Variants in TANC2 observed in about 807,000 individuals in gnomAD.
The protein encoded by TANC2 is protein TANC2.
Under a neutral mutation model 210.5 loss-of-function variants are expected in TANC2, and 26 were observed. The observed-to-expected ratio is 0.12, with a 90% CI of 0.09 to 0.17. TANC2 has a LOEUF of 0.17. Ranked by LOEUF, TANC2 falls within the 10% of genes least tolerant of loss-of-function variation. The pLI, the probability that TANC2 is intolerant of heterozygous loss-of-function variation, is 1.00. For synonymous variants in TANC2, 931 were observed against 967.1 expected (o/e 0.96, Z 0.69); for missense variants, 2,129 against 2,608.9 (o/e 0.82, Z 4.01).
At chr17:62,986,672 G>T (rs2032582254) in intron 1 of TANC2, among the ~76,000 whole-genome samples, 1 of 152,072 alleles carries the variant, frequency 6.6e-6, no homozygotes. Flanking sequence ...AGGGATGTCT[G>T]CTAGGGGTGG....
At chr17:63,053,801 A>G (rs1420921254) in intron 2 of TANC2, among the ~76,000 whole-genome samples, 1 of 152,174 alleles carries the variant, frequency 6.6e-6, no homozygotes, top group African/African-American at 2.4e-5. Flanking sequence ...TTTAGGCCCA[A>G]CATATTAGAA....
chr17:63,076,143 C>T (rs540294635), intron 3 of TANC2, among the ~76,000 whole-genome samples: 7 of 152,268 alleles, frequency 4.6e-5, no homozygotes, highest in African/African-American at 1.7e-4. Context: ...CATTGGGTTT[C>T]TGGAACTTCC....
intron 9 of TANC2, among the ~76,000 whole-genome samples, chr17:63,300,635 C>G (rs1443644649): frequency 1.3e-5 from 2 of 152,146 alleles, no homozygotes; most frequent in African/African-American, 4.8e-5. Context: ...ATTTTGTATC[C>G]TGAGACTTTG....
intron 4 of TANC2, among the ~76,000 whole-genome samples, chr17:63,137,240 T>A (rs2039121842): frequency 6.6e-6 from 1 of 152,178 alleles, no homozygotes; most frequent in South Asian, 2.1e-4. Flanking sequence ...AGCTTAAAAG[T>A]AAGTTCAGAA....
intron 4 of TANC2, among the ~76,000 whole-genome samples, chr17:63,136,373 A>G (rs1225734557): frequency 1.3e-5 from 2 of 152,210 alleles, no homozygotes; most frequent in Non-Finnish European, 2.9e-5. Context: ...TAGAAGGAAC[A>G]TACTTATTCT....
chr17:63,231,545 T>C (rs1337341586), intron 7 of TANC2, among the ~76,000 whole-genome samples: 2 of 152,234 alleles, frequency 1.3e-5, no homozygotes, highest in Non-Finnish European at 2.9e-5. Context: ...TATGAACTTC[T>C]GGATTGGAAA....
chr17:63,070,225 G>GA (rs532334722), intron 2 of TANC2, among the ~76,000 whole-genome samples: 2 of 152,068 alleles, frequency 1.3e-5, no homozygotes, highest in African/African-American at 4.8e-5. Flanking sequence ...AACTTAAGGG[G>GA]AAAAAAAATC....
rs953010700 is a variant in TANC2, at chr17:62,966,256, G to A, written c.-517G>A. On this transcript the variant is annotated 5_prime_UTR_variant, in exon 1 of 28. Transcript: ENST00000689528. This position sits in a 1 kb window ranked among gnomAD's most constrained non-coding sequence, Gnocchi z 5.1. Reference sequence around the variant, plus strand: ...CGGCGGCGGCGCTAGCGAGCGGCCGGCGGGGCGCGGGTTGCTGGGCGCGCT... The same window carrying A: ...CGGCGGCGGCGCTAGCGAGCGGCCGACGGGGCGCGGGTTGCTGGGCGCGCT... 6.2e-5 allele frequency among the ~76,000 whole-genome samples: 9 copies of A among 146,158 alleles called. No individual in the cohort carries two copies. Among genetic ancestry groups the A allele is most frequent in the Non-Finnish European group, 1.1e-4 (7 of 65,772 alleles).
At chr17:63,373,198 C>T (rs543719911) in intron 14 of TANC2, among the ~76,000 whole-genome samples, 1 of 152,130 alleles carries the variant, frequency 6.6e-6, no homozygotes, top group African/African-American at 2.4e-5. Flanking sequence ...GCCTTGGCCT[C>T]ATCATCTTTA....
intron 12 of TANC2, among the ~76,000 whole-genome samples, chr17:63,348,713 G>A (rs1372916466): frequency 6.6e-6 from 1 of 152,010 alleles, no homozygotes; most frequent in Non-Finnish European, 1.5e-5. Context: ...GCAATCCTTT[G>A]TTAGTCCCCA....
intron 6 of TANC2, among the ~76,000 whole-genome samples, chr17:63,196,358 G>C (rs948294024): frequency 1.3e-5 from 2 of 152,156 alleles, no homozygotes; most frequent in African/African-American, 4.8e-5. Context: ...TGATATTCAT[G>C]TCAAGTTAAA....
At chr17:63,384,239 A>G (rs1036101061) in intron 15 of TANC2, among the ~76,000 whole-genome samples, 10 of 151,830 alleles carry the variant, frequency 6.6e-5, no homozygotes, top group Admixed American at 2.6e-4. Context: ...CTGGCTAATT[A>G]TTTTTATTTT....
chr17:63,405,786 T>C (rs867274096), intron 20 of TANC2, among the ~76,000 whole-genome samples: 1 of 152,208 alleles, frequency 6.6e-6, no homozygotes, highest in African/African-American at 2.4e-5. Flanking sequence ...GTCACTTGAT[T>C]ATGTTCAGTT....
In TANC2 at chr17:63,407,930, C is replaced by T. The variant is rs1381817035; in HGVS notation, c.3589+1653C>T. The stretch of plus-strand genomic sequence containing the variant: ...TGTCTAGTAAAATGTAAGGGGACTA[C>T]GGAAAATAAAATTGGAAAGGTATGT... On this transcript the variant is annotated intron_variant, in intron 21 of 27. Coordinates refer to ENST00000689528, the Ensembl canonical transcript of TANC2. Among the ~76,000 whole-genome samples, 6 of 151,788 alleles carry T rather than the reference C, an allele frequency of 4.0e-5. No individual in the cohort carries two copies. In the South Asian group the frequency reaches 6.3e-4, roughly 16 times the overall value.
intron 14 of TANC2, among the ~76,000 whole-genome samples, chr17:63,369,762 C>A (rs545516574): frequency 2.4e-4 from 36 of 151,750 alleles, no homozygotes; most frequent in Non-Finnish European, 4.3e-4. Context: ...CCCACCATGC[C>A]GGGCTAATTT....
intron 14 of TANC2, among the ~76,000 whole-genome samples, chr17:63,360,147 T>A (rs964985084): frequency 6.6e-6 from 1 of 152,218 alleles, no homozygotes; most frequent in Non-Finnish European, 1.5e-5. Context: ...TTGAAATGAC[T>A]ACAAAATAAA....
At position 63,420,697 on chromosome 17, in the gene TANC2, A is replaced by G; in HGVS notation, c.4967A>G (p.Gln1656Arg). ...TATCAGCAGGAAACAAGCGTCAGTC[A>G]GCTTCCTGGCAGACCCAAATCTCCA... Residue 1656 changes from glutamine (Q) to arginine (R), a missense_variant, in exon 28 of 28, where the codon CAG becomes CGG. Physicochemically the swap from Gln to Arg is conservative, Grantham distance 43. This residue lies in a region of TANC2 where 584 missense variants were observed against 627.3 expected (regional missense o/e 0.93). Transcript: ENST00000689528. The surrounding 1 kb of genome is among the most constrained non-coding windows in gnomAD (Gnocchi z 4.2). 1 of 1,613,910 alleles carries G rather than the reference A, an allele frequency of 6.2e-7. No homozygotes were observed. Among genetic ancestry groups the G allele is most frequent in the Non-Finnish European group, 8.5e-7 (1 of 1,179,820 alleles).
chr17:63,025,350 G>A (rs371375398), intron 2 of TANC2, among the ~76,000 whole-genome samples: 20 of 152,222 alleles, frequency 1.3e-4, no homozygotes, highest in African/African-American at 3.9e-4. Flanking sequence ...AATGTCTTCC[G>A]GTTGTGGACG....
chr17:63,411,588 G>C, exon 22 of TANC2: 1 of 1,614,000 alleles, frequency 6.2e-7, no homozygotes, highest in Non-Finnish European at 8.5e-7. Flanking sequence ...TCTCTCAGTA[G>C]TACGTTCTCT....
Sources: allele counts gnomAD v4.1 joint callset (sites outside exome capture counted in the v4.1 genomes callset), GRCh38; gene constraint gnomAD v4.1.1; regional missense constraint gnomAD v4.1.1; non-coding constraint Gnocchi (gnomAD v3.1); transcripts MANE v1.5; gene names NCBI Gene and HGNC (gene_info 2026-07-23, HGNC 2026-07-21).